The following PAK1 variants were observed in gnomAD, a reference collection of about 807,000 sequenced individuals.
PAK1 encodes the protein serine/threonine-protein kinase PAK 1.
A neutral mutation model predicts 67.4 loss-of-function variants in PAK1; 29 were observed. The ratio of observed to expected loss-of-function variants is 0.43; its 90% CI spans 0.32 to 0.59. PAK1 has a LOEUF of 0.59. PAK1 is among the 20% of genes least tolerant of loss of function. PAK1 has a pLI of 0.07. For synonymous variants in PAK1, 223 were observed against 237.4 expected, an observed-to-expected ratio of 0.94 and a Z score of 0.56; for missense variants, 337 against 670.7, an observed-to-expected ratio of 0.50 and a Z score of 5.50.
At chr11:77,407,159 T>C (rs1308146596) in intron 1 of PAK1, among the ~76,000 whole-genome samples, 1 of 152,218 alleles carries the variant, frequency 6.6e-6, no homozygotes, top group Non-Finnish European at 1.5e-5. Flanking sequence ...CAGTAAGTGG[T>C]AGAACCAGGA....
At chr11:77,474,618 AACT>A (rs1468738103), upstream of PAK1, 1 of 152,032 alleles carries the variant, frequency 6.6e-6, no homozygotes, top group African/African-American at 2.4e-5. Context: ...TGAATTTGAA[AACT>A]ATCCGATGTC....
At chr11:77,390,646 G>A (rs913319374) in intron 2 of PAK1, among the ~76,000 whole-genome samples, 4 of 147,188 alleles carry the variant, frequency 2.7e-5, no homozygotes, top group East Asian at 2.0e-4. Flanking sequence ...ACAGGCACAC[G>A]CCACCATGCC....
the PAK1 span, among the ~76,000 whole-genome samples, chr11:77,481,478 C>A: frequency 6.6e-6 from 1 of 151,868 alleles, no homozygotes; most frequent in Non-Finnish European, 1.5e-5. Context: ...AGGTCGAGAC[C>A]ATCCTGGCCA....
At chr11:77,471,603 T>C (rs1231351518) in intron 1 of PAK1, among the ~76,000 whole-genome samples, 1 of 152,094 alleles carries the variant, frequency 6.6e-6, no homozygotes, top group Non-Finnish European at 1.5e-5. Flanking sequence ...AGAGTGAAGA[T>C]GAGAGTGGCA....
chr11:77,513,828 C>T, the PAK1 span, among the ~76,000 whole-genome samples: 34 of 152,210 alleles, frequency 2.2e-4, no homozygotes, highest in Admixed American at 5.2e-4. Context: ...CCTTAGCTCA[C>T]GGTTAAGAAT....
chr11:77,499,539 C>CCTT, the PAK1 span, among the ~76,000 whole-genome samples: 1 of 152,178 alleles, frequency 6.6e-6, no homozygotes, highest in South Asian at 2.1e-4. Flanking sequence ...TCCTACTCAT[C>CCTT]CTTCTAGATC....
Position 77,457,021 on chromosome 11 carries a change from A to G in PAK1, c.-22+16531T>C, listed in dbSNP as rs1957112648. On this transcript the variant is annotated intron_variant, in intron 1 of 14. Transcript: ENST00000356341. ...CTCCCAAAGTGCTGGGATTACAGGCATGAACTGCCGCACCCAGCCAAAGCA... is the reference window on the plus strand; with the variant it reads ...CTCCCAAAGTGCTGGGATTACAGGCGTGAACTGCCGCACCCAGCCAAAGCA... Among the ~76,000 whole-genome samples, 4 of 152,184 alleles carry G rather than the reference A, an allele frequency of 2.6e-5. No homozygotes were observed. In the South Asian group the frequency reaches 8.3e-4, roughly 32 times the overall value.
chr11:77,460,374 T>C (rs1433960819), intron 1 of PAK1, among the ~76,000 whole-genome samples: 2 of 149,690 alleles, frequency 1.3e-5, no homozygotes, highest in East Asian at 3.9e-4. Flanking sequence ...ACATCATTAA[T>C]GGCCTTAGCA....
chr11:77,330,892 A>G (rs971613269), intron 14 of PAK1, among the ~76,000 whole-genome samples: 3 of 152,250 alleles, frequency 2.0e-5, no homozygotes, highest in African/African-American at 7.2e-5. Context: ...CTCATCTGAC[A>G]AAGGGCTAAT....
At position 77,473,740 on chromosome 11, in the gene PAK1, GGGGCGGGAGGGAGCGAGGCGACGC is replaced by G. The variant is rs1160488352; in HGVS notation, c.-234_-211del. On this transcript the variant is annotated 5_prime_UTR_variant, in exon 1 of 15. Transcript: ENST00000356341. ...GAACTGCGAGGGAAGGGATGATGGG[GGGGCGGGAGGGAGCGAGGCGACGC>G]GGGCGGGGGGGGAAGGGGGGACTGA... 6.2e-4 allele frequency: 94 copies of G among 152,002 alleles called. No homozygotes were observed. Among genetic ancestry groups the G allele is most frequent in the African/African-American group, 2.2e-3 (91 of 41,450 alleles). The allele number at this position is 152,002 out of a possible 1,614,324, so 9.4% of individuals were successfully genotyped here. A position where few individuals can be genotyped will look rare whatever the true frequency, so the allele number is the denominator to read the frequency against.
At chr11:77,392,580 T>C (rs1951275047) in intron 1 of PAK1, 39 bp from the exon 2 acceptor site, 2 of 1,460,886 alleles carry the variant, frequency 1.4e-6, no homozygotes. Context: ...TCTTTTATTA[T>C]TTTTGACCAA....
At chr11:77,522,881 G>A in the PAK1 span, among the ~76,000 whole-genome samples, 2 of 152,170 alleles carry the variant, frequency 1.3e-5, no homozygotes, top group African/African-American at 4.8e-5. Flanking sequence ...TATGGAATAT[G>A]ACACAGCCAT....
intron 1 of PAK1, among the ~76,000 whole-genome samples, chr11:77,445,188 G>A (rs1956543185): frequency 6.6e-6 from 1 of 152,162 alleles, no homozygotes; most frequent in Admixed American, 6.5e-5. Flanking sequence ...GGGAAAAGAA[G>A]CCATCCATAA....
At position 77,435,743 on chromosome 11, in the gene PAK1, C is replaced by T. The variant is rs564772045; in HGVS notation, c.-22+37809G>A. Among the ~76,000 whole-genome samples the T allele has an allele frequency of 3.2e-3, 477 of 147,884 alleles. 2 individuals carry two copies. The highest frequency in any genetic ancestry group is 5.7e-3 in the Non-Finnish European group (384 of 67,390). On this transcript the variant is annotated intron_variant, in intron 1 of 14. Coordinates refer to ENST00000356341, the MANE Select transcript of PAK1 (RefSeq NM_002576.5). Reference sequence around the variant, plus strand: ...CAGGATGGTCTCAATCTCCTGACCTCGTGATCCGCCTGCCTCGGCCTCCCA... The same window carrying T: ...CAGGATGGTCTCAATCTCCTGACCTTGTGATCCGCCTGCCTCGGCCTCCCA...
chr11:77,429,373 G>A (rs900796552), intron 1 of PAK1, among the ~76,000 whole-genome samples: 3 of 152,084 alleles, frequency 2.0e-5, no homozygotes, highest in Non-Finnish European at 2.9e-5. Flanking sequence ...GCAACGAAAC[G>A]GATATTTACA....
At chr11:77,396,010 C>G (rs1263268533) in intron 1 of PAK1, among the ~76,000 whole-genome samples, 1 of 152,174 alleles carries the variant, frequency 6.6e-6, no homozygotes, top group Non-Finnish European at 1.5e-5. Flanking sequence ...CTAGTCAAGT[C>G]CTTCCCTGCC....
At chr11:77,462,925 A>G (rs1957420839) in intron 1 of PAK1, among the ~76,000 whole-genome samples, 1 of 143,196 alleles carries the variant, frequency 7.0e-6, no homozygotes, top group African/African-American at 2.6e-5. Flanking sequence ...TCACTCAATC[A>G]AAGTGCCTAC....
At chr11:77,500,264 C>T in the PAK1 span, among the ~76,000 whole-genome samples, 6 of 151,814 alleles carry the variant, frequency 4.0e-5, no homozygotes, top group South Asian at 2.1e-4. Context: ...GTCAGGAGTT[C>T]GAGACCAGCC....
intron 1 of PAK1, among the ~76,000 whole-genome samples, chr11:77,460,230 A>G (rs1184060433): frequency 6.7e-6 from 1 of 148,466 alleles, no homozygotes; most frequent in Non-Finnish European, 1.5e-5. Flanking sequence ...AAAAAGAAGG[A>G]AGGGAGGAAG....
Sources: gnomAD v4.1 joint callset for allele counts (sites outside exome capture counted in the v4.1 genomes callset) on GRCh38, gnomAD v4.1.1 for gene constraint, MANE v1.5 for transcripts, NCBI Gene and HGNC (gene_info 2026-07-23, HGNC 2026-07-21) for gene names.